ABCC3: variants seen among roughly 807,000 people sequenced by gnomAD.
The protein encoded by ABCC3 is ATP-binding cassette sub-family C member 3.
Under a neutral mutation model 165.3 loss-of-function variants are expected in ABCC3, and 121 were observed. The observed-to-expected ratio is 0.73, with a 90% CI of 0.63 to 0.85. ABCC3 has a LOEUF of 0.85. Among genes scored for constraint, ABCC3 ranks in the 40% least tolerant of loss-of-function variants. ABCC3 has a pLI of 0.00. For missense variants in ABCC3, 1,869 were observed against 1,964.1 expected, an observed-to-expected ratio of 0.95 and a Z score of 0.92; for synonymous variants, 733 against 810.1, an observed-to-expected ratio of 0.90 and a Z score of 1.62.
In ABCC3 at chr17:50,667,883, GGTGTAC is replaced by G; in HGVS notation, c.1666_1671del (p.Tyr556_Val557del). On this transcript the variant is annotated inframe_deletion, in exon 13 of 31. Transcript: ENST00000285238. ...CTCAGGTGACCCTGATCACCCTCTG[GGTGTAC>G]GTGTACGTGGACCCAAACAATGTGC... 6.2e-7 allele frequency: 1 copy of G among 1,614,072 alleles called. No homozygotes were observed. The highest frequency in any genetic ancestry group is 8.5e-7 in the Non-Finnish European group (1 of 1,179,976).
rs914177595 is a variant in ABCC3, at chr17:50,682,324, G to A, written c.3808-1286G>A. On this transcript the variant is annotated intron_variant, in intron 26 of 30. Coordinates refer to ENST00000285238, the MANE Select transcript of ABCC3 (RefSeq NM_003786.4). Reference sequence around the variant, plus strand: ...ATCTTATGCCCTGCCAGTCTATTCTGCTTGTAGCTGCCAAGAGATTTAAAA... The same window carrying A: ...ATCTTATGCCCTGCCAGTCTATTCTACTTGTAGCTGCCAAGAGATTTAAAA... Among the ~76,000 whole-genome samples the A allele has an allele frequency of 3.0e-5, 4 of 135,586 alleles. No homozygotes were observed. In the Admixed American group the frequency reaches 3.2e-4, roughly 11 times the overall value. 88.9% of individuals were successfully genotyped at this position (135,586 alleles called of 152,430 possible).
intron 1 of ABCC3, 35 bp downstream of exon 1, chr17:50,635,016 G>C: frequency 8.0e-7 from 1 of 1,256,334 alleles, no homozygotes; most frequent in Non-Finnish European, 1.0e-6. Context: ...CTGCGCGGGG[G>C]CCAGGGTCGG....
chr17:50,672,654 C>T (rs533073868), intron 17 of ABCC3, among the ~76,000 whole-genome samples: 20 of 152,220 alleles, frequency 1.3e-4, no homozygotes, highest in African/African-American at 3.9e-4. Flanking sequence ...TGCTTGAGCT[C>T]AGGAGTTGGA....
At chr17:50,640,495 C>G (rs2054218068) in intron 1 of ABCC3, among the ~76,000 whole-genome samples, 1 of 152,134 alleles carries the variant, frequency 6.6e-6, no homozygotes, top group Non-Finnish European at 1.5e-5. Flanking sequence ...CGCAGCACAA[C>G]CAGTTTTTGT....
chr17:50,644,826 C>G (rs990340999), intron 1 of ABCC3, among the ~76,000 whole-genome samples: 11 of 152,076 alleles, frequency 7.2e-5, no homozygotes, highest in African/African-American at 2.4e-4. Context: ...AGACCATCCT[C>G]GCTAACACGG....
chr17:50,677,124 C>T (rs1391294001), intron 23 of ABCC3, among the ~76,000 whole-genome samples: 9 of 152,186 alleles, frequency 5.9e-5, no homozygotes, highest in Non-Finnish European at 7.3e-5. Context: ...TCAAGTGATC[C>T]GCCCACCTCG....
intron 6 of ABCC3, 120 bp downstream of exon 6, chr17:50,658,616 G>T: frequency 9.1e-7 from 1 of 1,104,738 alleles, no homozygotes; most frequent in Non-Finnish European, 1.4e-6. Context: ...ACCCCCCACC[G>T]CAGTGGGCAC....
intron 1 of ABCC3, among the ~76,000 whole-genome samples, chr17:50,640,126 A>G (rs1469751621): frequency 6.6e-6 from 1 of 152,196 alleles, no homozygotes; most frequent in African/African-American, 2.4e-5. Flanking sequence ...CAGCTAGGCC[A>G]CTACCCAGGT....
At chr17:50,671,249 G>A (rs1316850525) in intron 17 of ABCC3, among the ~76,000 whole-genome samples, 6 of 148,124 alleles carry the variant, frequency 4.1e-5, no homozygotes, top group Non-Finnish European at 7.4e-5. Context: ...GACAGAGCAA[G>A]ACTCTGTCTT....
At chr17:50,683,260 G>A (rs1263390738) in intron 26 of ABCC3, among the ~76,000 whole-genome samples, 1 of 151,288 alleles carries the variant, frequency 6.6e-6, no homozygotes, top group Admixed American at 6.6e-5. Flanking sequence ...TGTAGTCCTA[G>A]CTACTAGGGA....
chr17:50,684,699 G>C lies in ABCC3; in HGVS notation c.4114-10G>C, dbSNP rs11568598. On this transcript the variant is annotated splice_polypyrimidine_tract_variant and intron_variant, in intron 28 of 30. Transcript: ENST00000285238. ...AGCTGCCTCCCTCTGAGGCCACGTT[G>C]TATCCCCAGGACCCCATCCTGTTCT... The C allele has an allele frequency of 6.2e-7, 1 of 1,612,210 alleles. No individual in the cohort carries two copies. Among genetic ancestry groups the C allele is most frequent in the East Asian group, 2.2e-5 (1 of 44,822 alleles).
Position 50,678,191 on chromosome 17 carries a change from T to C in ABCC3, c.3677T>C (p.Val1226Ala), listed in dbSNP as rs1300967530. The change falls in exon 25 of 31, where the codon GTG becomes GCG. Residue 1226 changes from valine to alanine, a missense_variant. Physicochemically the swap from Val to Ala is moderately conservative, Grantham distance 64. Transcript: ENST00000285238. ...AGGAGCAGCCTGAACCCGGGGCTGG[T>C]GGGCCTTTCTGTGTCCTACTCCTTG... The part of the protein sequence containing the change: ...IGRSSLNPGL[V>A]GLSVSYSLQV... 9.8e-6 allele frequency: 15 copies of C among 1,536,394 alleles called. No homozygotes were observed. The highest frequency in any genetic ancestry group is 5.5e-5 in the African/African-American group (4 of 72,388).
chr17:50,673,984 C>CTTTCTTTT (rs1567835582), intron 19 of ABCC3, among the ~76,000 whole-genome samples: 2 of 11,550 alleles, frequency 1.7e-4, no homozygotes, highest in African/African-American at 1.1e-3. Context: ...TTCTTTCTCT[C>CTTTCTTTT]TCTCTCTCTC....
chr17:50,676,736 G>A, intron 23 of ABCC3, 148 bp downstream of exon 23: 1 of 775,784 alleles, frequency 1.3e-6, no homozygotes. Context: ...TATGTTAGGG[G>A]AGCCATTACT....
rs1285153060 is a variant in ABCC3, at chr17:50,673,962, T to TTC, written c.2599+306_2599+307dup. Among the ~76,000 whole-genome samples, 96 of 20,722 alleles carry TTC rather than the reference T, an allele frequency of 4.6e-3. 1 individual carries two copies. Among genetic ancestry groups the TTC allele is most frequent in the African/African-American group, 4.8e-3 (21 of 4,354 alleles). 13.6% of individuals were successfully genotyped at this position (20,722 alleles called of 152,430 possible). On this transcript the variant is annotated intron_variant, in intron 19 of 30. Transcript: ENST00000285238. ...TTTCTTTCTTTCTTTCTTTCTTTCT[T>TTC]TCTTTCTTTCTTTCTTTCTCTCTCT... is the stretch of plus-strand genomic sequence containing the variant.
intron 11 of ABCC3, among the ~76,000 whole-genome samples, chr17:50,665,447 C>A (rs559444477): frequency 5.9e-5 from 9 of 152,282 alleles, no homozygotes; most frequent in African/African-American, 2.2e-4. Flanking sequence ...TAGCAGAAGA[C>A]CAACGCTTAG....
Position 50,673,088 on chromosome 17 carries a change from A to C in ABCC3, c.2359A>C (p.Lys787Gln). 1 of 1,614,148 alleles carries C rather than the reference A, an allele frequency of 6.2e-7. No individual in the cohort carries two copies. Among genetic ancestry groups the C allele is most frequent in the Admixed American group, 1.7e-5 (1 of 60,014 alleles). Residue 787 changes from lysine (K) to glutamine (Q), a missense_variant, in exon 18 of 31, where the codon AAG becomes CAG. Lys to Gln is a moderately conservative substitution (Grantham distance 53). Coordinates refer to ENST00000285238, the MANE Select transcript of ABCC3 (RefSeq NM_003786.4). ...GTCCGCGGTGGACTCTCATGTGGCC[A>C]AGCACATCTTTGACCACGTCATCGG... ...PLSAVDSHVA[K>Q]HIFDHVIGPE...
Position 50,678,157 on chromosome 17 carries a change from G to A in ABCC3, c.3643G>A (p.Val1215Ile), listed in dbSNP as rs202122194. ...GGTGCTCTTTGCTGCACTATTTGCC[G>A]TCATCGGGAGGAGCAGCCTGAACCC... The part of the protein sequence containing the change: ...CVVLFAALFA[V>I]IGRSSLNPGL... Residue 1215 changes from valine (V) to isoleucine (I), a missense_variant, in exon 25 of 31, where the codon GTC (valine) becomes ATC (isoleucine). Physicochemically the swap from Val to Ile is conservative, Grantham distance 29. Transcript: ENST00000285238. 216 of 1,554,040 alleles carry A rather than the reference G, an allele frequency of 1.4e-4. No individual in the cohort carries two copies. Among genetic ancestry groups the A allele is most frequent in the South Asian group, 6.5e-4 (52 of 79,650 alleles).
At chr17:50,638,697 C>A (rs760721628) in intron 1 of ABCC3, among the ~76,000 whole-genome samples, 1 of 152,188 alleles carries the variant, frequency 6.6e-6, no homozygotes, top group Non-Finnish European at 1.5e-5. Context: ...GGAAAGGTGA[C>A]CTCATTGTTC....
Sources: allele counts gnomAD v4.1 joint callset (sites outside exome capture counted in the v4.1 genomes callset), GRCh38; gene constraint gnomAD v4.1.1; transcripts MANE v1.5; gene names NCBI Gene and HGNC (gene_info 2026-07-23, HGNC 2026-07-21).